The following GARNL3 variants were observed in gnomAD, a reference collection of about 807,000 sequenced individuals.
GARNL3 encodes the protein GTPase activating Rap/RanGAP domain like 3, also known as GTPase-activating Rap/Ran-GAP domain-like protein 3.
GARNL3 carries 63 observed loss-of-function variants against 125.0 expected under a neutral mutation model. The ratio of observed to expected loss-of-function variants is 0.50; its 90% confidence interval spans 0.41 to 0.62. The LOEUF (loss-of-function observed/expected upper bound fraction) is 0.62, where lower values mean the gene tolerates loss of function less well. Among genes scored for constraint, GARNL3 ranks in the 20% least tolerant of loss-of-function variants. GARNL3 has a pLI of 0.00. For missense variants in GARNL3, 994 were observed against 1,244.0 expected, an observed-to-expected ratio of 0.80 and a Z score of 3.02; for synonymous variants, 439 against 457.5, an observed-to-expected ratio of 0.96 and a Z score of 0.52.
chr9:127,271,489 G>C (rs2063823285), intron 1 of GARNL3, among the ~76,000 whole-genome samples: 1 of 150,300 alleles, frequency 6.7e-6, no homozygotes, highest in Non-Finnish European at 1.5e-5. Flanking sequence ...AGGCTCATTA[G>C]CTGGCAGTGC....
At chr9:127,328,860 T>G (rs1343461736) in intron 7 of GARNL3, among the ~76,000 whole-genome samples, 4 of 152,228 alleles carry the variant, frequency 2.6e-5, no homozygotes, top group African/African-American at 7.2e-5. Flanking sequence ...CTTAGAAAAT[T>G]TAAATTCCAT....
At chr9:127,321,197 G>A (rs62578841) in intron 6 of GARNL3, among the ~76,000 whole-genome samples, 21,102 of 152,018 alleles carry the variant, frequency 0.14, 1,866 homozygotes, top group East Asian at 0.21. Context: ...GCAATGGTGC[G>A]ATCTCAGCTC....
rs1391052750 is a variant in GARNL3, at chr9:127,311,670, C to T, written c.254C>T (p.Thr85Ile). 2 of 1,613,978 alleles carry T rather than the reference C, an allele frequency of 1.2e-6. No individual in the cohort carries two copies. Among genetic ancestry groups the T allele is most frequent in the Non-Finnish European group, 8.5e-7 (1 of 1,179,856 alleles). Residue 85 changes from threonine to isoleucine, a missense_variant, in exon 3 of 28, where the codon ACA (threonine) becomes ATA (isoleucine). Thr to Ile is a moderately conservative substitution (Grantham distance 89). This residue lies in a region of GARNL3 where 139 missense variants were observed against 231.6 expected (regional missense o/e 0.60). Coordinates refer to ENST00000373387, the MANE Select transcript of GARNL3 (RefSeq NM_032293.5). Reference protein sequence around the residue: ...ATALPGTWRRTDVHLENPEYH... With the variant: ...ATALPGTWRRIDVHLENPEYH... ...GCCCTGCCTGGTACTTGGCGAAGAA[C>T]AGACGTGCACTTAGAGAACCCAGAA...
intron 1 of GARNL3, among the ~76,000 whole-genome samples, chr9:127,279,107 G>A (rs983437116): frequency 1.9e-4 from 29 of 151,976 alleles, no homozygotes; most frequent in Admixed American, 1.8e-3. Flanking sequence ...GTTACCTTTT[G>A]CCCTTTAGTG....
At chr9:127,254,498 A>G (rs1486806249) in intron 2 of GARNL3, among the ~76,000 whole-genome samples, 2 of 152,198 alleles carry the variant, frequency 1.3e-5, no homozygotes, top group African/African-American at 4.8e-5. Flanking sequence ...AATATCTACC[A>G]ATTCTCACGC....
chr9:127,240,460 C>G (rs1156804383), intron 1 of GARNL3, among the ~76,000 whole-genome samples: 1 of 152,210 alleles, frequency 6.6e-6, no homozygotes, highest in Non-Finnish European at 1.5e-5. Flanking sequence ...GGCCCTCAGC[C>G]AGTAACTGAG....
At chr9:127,340,033 A>G (rs1407028533) in intron 13 of GARNL3, among the ~76,000 whole-genome samples, 2 of 152,252 alleles carry the variant, frequency 1.3e-5, no homozygotes, top group South Asian at 2.1e-4. Context: ...GTGTTCTGAT[A>G]GAGCCATTGC....
chr9:127,251,766 A>G (rs2063408892), intron 2 of GARNL3, among the ~76,000 whole-genome samples: 1 of 152,188 alleles, frequency 6.6e-6, no homozygotes, highest in African/African-American at 2.4e-5. Flanking sequence ...CCCAAGATAC[A>G]CCACTTTGGC....
chr9:127,365,220 C>T, intron 21 of GARNL3, 80 bp from the exon 22 acceptor site: 2 of 1,258,004 alleles, frequency 1.6e-6, no homozygotes, highest in South Asian at 2.4e-5. Context: ...TCGGCCTCCA[C>T]AAATGCTCAC....
chr9:127,253,136 G>GCT (rs1000328447), intron 2 of GARNL3, among the ~76,000 whole-genome samples: 5 of 152,210 alleles, frequency 3.3e-5, no homozygotes, highest in African/African-American at 1.2e-4. Context: ...GGAATTGTGA[G>GCT]CTGAGGGATT....
At chr9:127,373,775 A>G (rs1221275092) in intron 22 of GARNL3, among the ~76,000 whole-genome samples, 1 of 151,914 alleles carries the variant, frequency 6.6e-6, no homozygotes, top group African/African-American at 2.4e-5. Flanking sequence ...TGTAATCCCA[A>G]CACTTTGGGA....
At chr9:127,262,857 A>T (rs2063620924), upstream of GARNL3, among the ~76,000 whole-genome samples, 1 of 152,148 alleles carries the variant, frequency 6.6e-6, no homozygotes, top group Admixed American at 6.6e-5. Context: ...CTCCCCTTGG[A>T]GCTCTGGGTG....
At chr9:127,283,316 C>A (rs2064151548) in intron 1 of GARNL3, among the ~76,000 whole-genome samples, 1 of 152,134 alleles carries the variant, frequency 6.6e-6, no homozygotes, top group Non-Finnish European at 1.5e-5. Flanking sequence ...TCACACATAG[C>A]CACTGAGCAC....
chr9:127,345,210 G>T (rs531778326), intron 15 of GARNL3, among the ~76,000 whole-genome samples, 193 bp from the exon 16 acceptor site: 2 of 152,248 alleles, frequency 1.3e-5, no homozygotes, highest in East Asian at 3.9e-4. Flanking sequence ...TGGATAATTT[G>T]GGTTGCGACA....
intron 22 of GARNL3, among the ~76,000 whole-genome samples, chr9:127,370,197 A>G (rs1039470075): frequency 3.9e-5 from 6 of 152,330 alleles, no homozygotes; most frequent in South Asian, 4.1e-4. Flanking sequence ...AAGATTGGAC[A>G]TGGTGGGAGA....
At chr9:127,226,246 G>A (rs1026009701) in intron 1 of GARNL3, among the ~76,000 whole-genome samples, 3 of 152,230 alleles carry the variant, frequency 2.0e-5, no homozygotes, top group South Asian at 2.1e-4. Context: ...TGTGGACTCC[G>A]ACCCGCACTG....
intron 9 of GARNL3, among the ~76,000 whole-genome samples, chr9:127,334,498 C>A (rs1275288463): frequency 6.6e-6 from 1 of 151,966 alleles, no homozygotes; most frequent in Non-Finnish European, 1.5e-5. Flanking sequence ...GGGATTGGGC[C>A]CCAGTTGTCA....
chr9:127,330,669 T>C (rs891958982), intron 7 of GARNL3, among the ~76,000 whole-genome samples: 1 of 152,108 alleles, frequency 6.6e-6, no homozygotes, highest in Non-Finnish European at 1.5e-5. Flanking sequence ...GGTTCTCCGA[T>C]GGAGAATAAC....
intron 1 of GARNL3, among the ~76,000 whole-genome samples, chr9:127,270,963 A>G (rs1411528395): frequency 1.4e-5 from 2 of 141,378 alleles, no homozygotes; most frequent in East Asian, 3.9e-4. Flanking sequence ...TTGTTCAGGT[A>G]TCTATCCCTG....
Sources: allele counts gnomAD v4.1 joint callset (sites outside exome capture counted in the v4.1 genomes callset), GRCh38; gene constraint gnomAD v4.1.1; regional missense constraint gnomAD v4.1.1; transcripts MANE v1.5; gene names NCBI Gene and HGNC (gene_info 2026-07-23, HGNC 2026-07-21).